Variants in PLEKHG1 observed in about 807,000 individuals in gnomAD.
PLEKHG1 encodes the protein pleckstrin homology and RhoGEF domain containing G1.
PLEKHG1 carries 44 observed loss-of-function variants against 100.8 expected under a neutral mutation model. The observed-to-expected ratio is 0.44, with a 90% CI of 0.34 to 0.56. The LOEUF (loss-of-function observed/expected upper bound fraction) is 0.56, where lower values mean the gene tolerates loss of function less well. PLEKHG1 is among the 20% of genes least tolerant of loss of function. The pLI is 0.01. For missense variants in PLEKHG1, 1,545 were observed against 1,720.9 expected (o/e 0.90, Z 1.81); for synonymous variants, 640 against 662.5 (o/e 0.97, Z 0.52).
chr6:150,828,308 C>A (rs1259790174), intron 14 of PLEKHG1: 1 of 1,611,504 alleles, frequency 6.2e-7, no homozygotes, highest in Admixed American at 1.7e-5. Flanking sequence ...CCTAAGAAGC[C>A]GATTGAAGAC....
intron 3 of PLEKHG1, among the ~76,000 whole-genome samples, chr6:150,710,551 A>G (rs925233246): frequency 6.6e-6 from 1 of 152,198 alleles, no homozygotes; most frequent in African/African-American, 2.4e-5. Flanking sequence ...GAGAAGACTG[A>G]TACATGCAGG....
chr6:150,669,051 C>A (rs904759075), intron 3 of PLEKHG1, among the ~76,000 whole-genome samples: 1 of 152,062 alleles, frequency 6.6e-6, no homozygotes, highest in African/African-American at 2.4e-5. Flanking sequence ...GCAGGCTTTT[C>A]TTTGTTTCTC....
In PLEKHG1 at chr6:150,825,449, C is replaced by T. The variant is rs533436241; in HGVS notation, c.1470+1773C>T. On this transcript the variant is annotated intron_variant, in intron 14 of 15. Coordinates refer to ENST00000358517, the Ensembl canonical transcript of PLEKHG1. Reference sequence around the variant, plus strand: ...TACAAAAATGAGCTGGGTGTGGTGGCTTGTGCCTGTGGTCCCAGCTACTTG... The same window carrying T: ...TACAAAAATGAGCTGGGTGTGGTGGTTTGTGCCTGTGGTCCCAGCTACTTG... 3.8e-4 allele frequency among the ~76,000 whole-genome samples: 58 copies of T among 152,200 alleles called. 2 individuals are homozygous for T. In the South Asian group the frequency reaches 0.011, roughly 28 times the overall value.
chr6:150,793,634 T>C (rs900473579), intron 4 of PLEKHG1, among the ~76,000 whole-genome samples: 3 of 152,204 alleles, frequency 2.0e-5, no homozygotes, highest in Admixed American at 1.3e-4. Context: ...CAACCAGACT[T>C]TATGTCCATT....
intron 3 of PLEKHG1, among the ~76,000 whole-genome samples, chr6:150,782,068 A>G (rs1470853671): frequency 2.0e-5 from 3 of 151,694 alleles, no homozygotes; most frequent in East Asian, 2.0e-4. Context: ...GTGAACCACC[A>G]TGCCCGGCCT....
At chr6:150,833,039 C>T (rs897921881) in intron 15 of PLEKHG1, among the ~76,000 whole-genome samples, 1 of 122,952 alleles carries the variant, frequency 8.1e-6, no homozygotes, top group African/African-American at 2.7e-5. Context: ...TCCATTACTA[C>T]TCAATTTTTT....
rs894387927 is a variant in PLEKHG1, at chr6:150,783,242, A to T, written c.513-3148A>T. ...AAAATGGAGGAATGAAAACAGGAAGATAGAGAGTAGAAGAGGAAGAGTAAG... is the reference window on the plus strand; with the variant it reads ...AAAATGGAGGAATGAAAACAGGAAGTTAGAGAGTAGAAGAGGAAGAGTAAG... On this transcript the variant is annotated intron_variant, in intron 3 of 15. Transcript: ENST00000358517. Among the ~76,000 whole-genome samples, 22 of 151,854 alleles carry T rather than the reference A, an allele frequency of 1.4e-4. No individual in the cohort carries two copies. The South Asian group carries it at 4.6e-3, about 32-fold the overall frequency.
rs576239774 is a variant in PLEKHG1 at position 150,655,332 on chromosome 6, C to T, written c.-99+4546C>T. On this transcript the variant is annotated intron_variant, in intron 3 of 3. Coordinates refer to the PLEKHG1 transcript ENST00000367326. ...ATTCTACTCTAAAAACACATGCACA[C>T]GTATATTTATTGCGGCACTGCTCAC... 4.6e-5 allele frequency among the ~76,000 whole-genome samples: 7 copies of T among 152,254 alleles called. No individual in the cohort carries two copies. In the East Asian group the frequency reaches 1.2e-3, roughly 25 times the overall value.
chr6:150,840,824 T>C (rs781000036), exon 16 of PLEKHG1: 21 of 1,614,042 alleles, frequency 1.3e-5, no homozygotes, highest in Non-Finnish European at 1.7e-5. Flanking sequence ...GGGGGCCATC[T>C]CCCAATCAAC....
At chr6:150,776,066 T>A (rs1784943460) in intron 3 of PLEKHG1, among the ~76,000 whole-genome samples, 1 of 152,154 alleles carries the variant, frequency 6.6e-6, no homozygotes, top group African/African-American at 2.4e-5. Context: ...AGGTTCAAGG[T>A]CATAATACAA....
chr6:150,682,436 C>T (rs536763659), intron 3 of PLEKHG1, among the ~76,000 whole-genome samples: 1 of 152,128 alleles, frequency 6.6e-6, no homozygotes, highest in African/African-American at 2.4e-5. Flanking sequence ...AAGTGCATGT[C>T]CCTGAGCCAG....
At position 150,840,451 on chromosome 6, in the gene PLEKHG1, C is replaced by A; in HGVS notation, c.3713C>A (p.Ser1238Ter). The A allele has an allele frequency of 6.2e-7, 1 of 1,614,188 alleles. No individual in the cohort carries two copies. Among genetic ancestry groups the A allele is most frequent in the South Asian group, 1.1e-5 (1 of 91,078 alleles). Residue 1238 changes from serine to a stop codon, truncating the protein, a stop_gained, in exon 16 of 16, where the codon TCA becomes TAA. Coordinates refer to ENST00000358517, the Ensembl canonical transcript of PLEKHG1. LOFTEE classifies it low-confidence loss of function (END_TRUNC). ...CATCAACAGGGCACTGAAAAACTCT[C>A]AGATCTCACACTCCAAGACTCACAG... is the stretch of plus-strand genomic sequence containing the variant.
intron 1 of PLEKHG1, among the ~76,000 whole-genome samples, chr6:150,617,766 C>G (rs557004380): frequency 1.3e-5 from 2 of 152,334 alleles, no homozygotes; most frequent in South Asian, 4.1e-4. Flanking sequence ...AGAGGATTTC[C>G]TTCCATTCTT....
intron 3 of PLEKHG1, among the ~76,000 whole-genome samples, chr6:150,672,566 C>T (rs1779618328): frequency 6.6e-6 from 1 of 152,152 alleles, no homozygotes; most frequent in South Asian, 2.1e-4. Context: ...TGCTCTATTT[C>T]ACCAGTAGGA....
chr6:150,728,402 T>G (rs1159920770), intron 1 of PLEKHG1, among the ~76,000 whole-genome samples: 1 of 151,866 alleles, frequency 6.6e-6, no homozygotes, highest in African/African-American at 2.4e-5. Flanking sequence ...AAGACCAGCC[T>G]GGGCAACATA....
At chr6:150,768,828 C>G in intron 3 of PLEKHG1, 90 bp downstream of exon 4, 1 of 729,664 alleles carries the variant, frequency 1.4e-6, no homozygotes, top group Non-Finnish European at 2.4e-6. Flanking sequence ...ACCTGTAACC[C>G]CTGACTCAGC....
chr6:150,804,938 C>CTT (rs11366163), intron 7 of PLEKHG1, among the ~76,000 whole-genome samples, 197 bp downstream of exon 8: 63 of 147,490 alleles, frequency 4.3e-4, no homozygotes, highest in East Asian at 1.6e-3. Context: ...GATATTATAA[C>CTT]TTTTTTTTTT....
chr6:150,599,902 C>T, exon 1 of PLEKHG1: 1 of 189,642 alleles, frequency 5.3e-6, no homozygotes, highest in Non-Finnish European at 1.1e-5. Context: ...AGCCCGAGCC[C>T]GAGCCCGACG....
At chr6:150,691,850 G>T (rs1582950655) in intron 3 of PLEKHG1, among the ~76,000 whole-genome samples, 1 of 152,246 alleles carries the variant, frequency 6.6e-6, no homozygotes, top group Admixed American at 6.5e-5. Flanking sequence ...ATTTACTGAG[G>T]ACTTGGGAAA....
Sources: allele counts gnomAD v4.1 joint callset (sites outside exome capture counted in the v4.1 genomes callset), GRCh38; gene constraint gnomAD v4.1.1; transcripts MANE v1.5; gene names NCBI Gene and HGNC (gene_info 2026-07-23, HGNC 2026-07-21).